Variants in M1AP observed in about 807,000 individuals in gnomAD.
M1AP encodes the protein meiosis 1 associated protein, also known as meiosis 1 arrest protein.
M1AP carries 39 observed loss-of-function variants against 51.2 expected under a neutral mutation model. That is an observed-to-expected ratio of 0.76 (90% CI 0.59 to 1.00). The LOEUF (loss-of-function observed/expected upper bound fraction) is 1.00. Among genes scored for constraint, M1AP ranks in the 50% least tolerant of loss-of-function variants. The pLI, the probability that M1AP is intolerant of heterozygous loss-of-function variation, is 0.00. For synonymous variants in M1AP, 251 were observed against 249.2 expected (o/e 1.01, Z -0.07); for missense variants, 545 against 641.2 (o/e 0.85, Z 1.62).
At chr2:74,625,801 T>C (rs973912292) in intron 2 of M1AP, among the ~76,000 whole-genome samples, 3 of 152,222 alleles carry the variant, frequency 2.0e-5, no homozygotes. Context: ...CCTTTCAACA[T>C]GGACACCATA....
intron 1 of M1AP, among the ~76,000 whole-genome samples, chr2:74,644,301 A>G (rs1683470786): frequency 6.6e-6 from 1 of 152,208 alleles, no homozygotes; most frequent in Non-Finnish European, 1.5e-5. Context: ...GCACTTTGAG[A>G]GGCTGAGGCG....
intron 2 of M1AP, among the ~76,000 whole-genome samples, chr2:74,623,059 TTAATAA>T (rs1011233924): frequency 6.6e-6 from 1 of 151,506 alleles, no homozygotes; most frequent in Non-Finnish European, 1.5e-5. Flanking sequence ...CAGAATAATC[TTAATAA>T]TAATAAGGTC....
chr2:74,620,703 G>T (rs543200023), intron 2 of M1AP: 2 of 216,078 alleles, frequency 9.3e-6, no homozygotes, highest in African/African-American at 2.3e-5. Flanking sequence ...TTTATCTTTT[G>T]CTCATGAGGG....
intron 10 of M1AP, 57 bp downstream of exon 10, chr2:74,559,641 C>A: frequency 1.4e-6 from 1 of 718,044 alleles, no homozygotes; most frequent in Non-Finnish European, 2.6e-6. Context: ...GGAGTCCTCT[C>A]AAGTTACTAA....
intron 2 of M1AP, among the ~76,000 whole-genome samples, chr2:74,627,911 T>C (rs1477318621): frequency 6.6e-6 from 1 of 152,182 alleles, no homozygotes; most frequent in Non-Finnish European, 1.5e-5. Context: ...CTGAAAATAC[T>C]CTACAGAAAT....
At chr2:74,575,718 T>C (rs966805769) in intron 6 of M1AP, 139 bp from the exon 7 acceptor site, 7 of 664,352 alleles carry the variant, frequency 1.1e-5, no homozygotes, top group Non-Finnish European at 1.8e-5. Flanking sequence ...CATCTTTGTA[T>C]GGCCAGCATC....
Position 74,628,568 on chromosome 2 carries a change from TC to T in M1AP, c.240+11467del, listed in dbSNP as rs1258412872. On this transcript the variant is annotated intron_variant, in intron 2 of 10. Transcript: ENST00000421985. ...AGACTGTAAGTCCCAATCAAAAGAT[TC>T]TTGATTCAGCTTCTGACACAGTTTT... 3 of 555,382 alleles carry T rather than the reference TC, an allele frequency of 5.4e-6. No homozygotes were observed. In the African/African-American group the frequency reaches 5.8e-5, roughly 11 times the overall value. The allele number at this position is 555,382 out of a possible 1,614,324, so 34.4% of individuals were successfully genotyped here.
At chr2:74,639,186 T>C (rs1260848761) in intron 2 of M1AP, among the ~76,000 whole-genome samples, 1 of 152,200 alleles carries the variant, frequency 6.6e-6, no homozygotes, top group African/African-American at 2.4e-5. Flanking sequence ...TCAACAGAGA[T>C]GTTATCTTTC....
chr2:74,619,209 G>T, intron 2 of M1AP: 1 of 192,926 alleles, frequency 5.2e-6, no homozygotes. Flanking sequence ...TGAGGTCCCT[G>T]TCTATGTTTC....
chr2:74,641,201 C>T (rs1370427801), intron 1 of M1AP, among the ~76,000 whole-genome samples: 2 of 152,176 alleles, frequency 1.3e-5, no homozygotes, highest in South Asian at 2.1e-4. Flanking sequence ...AATTGTTCTT[C>T]GCCTCAAGAT....
chr2:74,576,941 G>T, intron 5 of M1AP: 1 of 1,099,504 alleles, frequency 9.1e-7, no homozygotes, highest in Non-Finnish European at 1.1e-6. Flanking sequence ...TCTGGCTTGT[G>T]ATCCAGTCTG....
chr2:74,562,385 C>T lies in M1AP; in HGVS notation c.1113G>A (p.Pro371=), dbSNP rs200133274. 13 of 1,614,230 alleles carry T rather than the reference C, an allele frequency of 8.1e-6. No homozygotes were observed. Among genetic ancestry groups the T allele is most frequent in the African/African-American group, 4.0e-5 (3 of 75,060 alleles). ...GAATTCTCTGGCTGTGTCCTGGGCC[C>T]GGTGGTTCCCCCTTGGCTAACAGCA... ...EWLLLAKGEP[P]GPGHSQRIPA... The change falls in exon 8 of 11, where the codon CCG becomes CCA. Residue 371 remains proline (P), a synonymous_variant. Transcript: ENST00000421985.
At chr2:74,586,079 T>A (rs79989899) in intron 4 of M1AP, among the ~76,000 whole-genome samples, 1 of 152,232 alleles carries the variant, frequency 6.6e-6, no homozygotes, top group Admixed American at 6.5e-5. Flanking sequence ...TCACTACCTG[T>A]TGAGATATTG....
At chr2:74,628,628 C>T (rs577205701) in intron 2 of M1AP, 1 of 664,966 alleles carries the variant, frequency 1.5e-6, no homozygotes, top group African/African-American at 1.8e-5. Context: ...TAGATTCAAA[C>T]ACCCAATGGT....
intron 2 of M1AP, among the ~76,000 whole-genome samples, chr2:74,629,374 T>A (rs1484639802): frequency 1.3e-5 from 2 of 152,224 alleles, no homozygotes; most frequent in Admixed American, 6.5e-5. Context: ...AGGGCCAACA[T>A]GAGGCCATAA....
chr2:74,614,256 A>C (rs1337729117), intron 3 of M1AP, among the ~76,000 whole-genome samples: 1 of 152,048 alleles, frequency 6.6e-6, no homozygotes, highest in Non-Finnish European at 1.5e-5. Flanking sequence ...CTGTGACCTC[A>C]CTTCTCAGGG....
Position 74,581,940 on chromosome 2 carries a change from G to A in M1AP, c.596-93C>T, listed in dbSNP as rs779284135. 22 of 1,162,890 alleles carry A rather than the reference G, an allele frequency of 1.9e-5. 1 individual carries two copies. Among genetic ancestry groups the A allele is most frequent in the South Asian group, 7.4e-5 (5 of 67,950 alleles). The allele number at this position is 1,162,890 out of a possible 1,614,324, so 72.0% of individuals were successfully genotyped here. A position where few individuals can be genotyped will look rare whatever the true frequency, so the allele number is the denominator to read the frequency against. On this transcript the variant is annotated intron_variant, in intron 4 of 10. Coordinates refer to ENST00000421985, the MANE Select transcript of M1AP (RefSeq NM_001321739.2). ...ACATCCATCTTTTCTTTTTTGAGAC[G>A]GGGGTCTCATTATGTCACCCAGGCT...
chr2:74,614,560 A>G (rs1445639320), intron 3 of M1AP, among the ~76,000 whole-genome samples: 1 of 152,250 alleles, frequency 6.6e-6, no homozygotes. Context: ...AAGTTCCTCA[A>G]TTTGATGCCA....
At chr2:74,593,727 C>A (rs1418377272) in intron 4 of M1AP, among the ~76,000 whole-genome samples, 1 of 152,162 alleles carries the variant, frequency 6.6e-6, no homozygotes, top group Non-Finnish European at 1.5e-5. Flanking sequence ...GCAGAATGAA[C>A]AAAAGTAGAC....
Sources: allele counts gnomAD v4.1 joint callset (sites outside exome capture counted in the v4.1 genomes callset), GRCh38; gene constraint gnomAD v4.1.1; transcripts MANE v1.5; gene names NCBI Gene and HGNC (gene_info 2026-07-23, HGNC 2026-07-21).